MLLT3: variants seen among roughly 807,000 people sequenced by gnomAD.
MLLT3 encodes the protein MLLT3 super elongation complex subunit, also known as protein AF-9.
MLLT3 carries 4 observed loss-of-function variants against 53.2 expected under a neutral mutation model. The ratio of observed to expected loss-of-function variants is 0.08; its 90% CI spans 0.04 to 0.17. The LOEUF (loss-of-function observed/expected upper bound fraction) is 0.17, where lower values mean the gene tolerates loss of function less well. Ranked by LOEUF, MLLT3 falls within the 10% of genes least tolerant of loss-of-function variation. The pLI is 1.00. For missense variants in MLLT3, 569 were observed against 684.0 expected (o/e 0.83, Z 1.87); for synonymous variants, 283 against 230.6 (o/e 1.23, Z -2.06).
At chr9:20,407,150 T>C (rs1479161837) in intron 5 of MLLT3, among the ~76,000 whole-genome samples, 2 of 152,162 alleles carry the variant, frequency 1.3e-5, no homozygotes, top group Non-Finnish European at 1.5e-5. Flanking sequence ...ATTTACAAAA[T>C]GTAACTAGGA....
rs148218418 is a variant in MLLT3, at chr9:20,476,134, T to C, written c.194-19348A>G. On this transcript the variant is annotated intron_variant, in intron 2 of 10. Coordinates refer to ENST00000380338, the MANE Select transcript of MLLT3 (RefSeq NM_004529.4). The stretch of plus-strand genomic sequence containing the variant: ...CTGGAGTGCAGTCACGCAATCATAG[T>C]TCACAGTAAACCTCAAACTCTATTT... Among the ~76,000 whole-genome samples, 283 of 152,072 alleles carry C rather than the reference T, an allele frequency of 1.9e-3. 2 individuals are homozygous for C. The highest frequency in any genetic ancestry group is 0.017 in the South Asian group (84 of 4,828).
chr9:20,389,512 T>C (rs1390711885), intron 5 of MLLT3, among the ~76,000 whole-genome samples: 2 of 152,160 alleles, frequency 1.3e-5, no homozygotes, highest in Non-Finnish European at 2.9e-5. Flanking sequence ...TGGTGGCTCA[T>C]GCTTGTAATC....
At chr9:20,481,656 C>A (rs1265418026) in intron 2 of MLLT3, among the ~76,000 whole-genome samples, 2 of 152,142 alleles carry the variant, frequency 1.3e-5, no homozygotes, top group Non-Finnish European at 2.9e-5. Flanking sequence ...CATCCCCTTG[C>A]TCTGCTCCGT....
intron 2 of MLLT3, among the ~76,000 whole-genome samples, chr9:20,489,555 G>A (rs376113025): frequency 6.6e-6 from 1 of 152,114 alleles, no homozygotes; most frequent in Admixed American, 6.6e-5. Context: ...CCCTGAAGAC[G>A]TTAACAGAAC....
intron 6 of MLLT3, among the ~76,000 whole-genome samples, chr9:20,364,776 T>A (rs530969840): frequency 1.3e-5 from 2 of 152,208 alleles, no homozygotes; most frequent in Admixed American, 6.5e-5. Context: ...AGTGTGGTCA[T>A]TGAAAAAGGT....
At chr9:20,619,622 C>G (rs751201377) in intron 2 of MLLT3, among the ~76,000 whole-genome samples, 7 of 152,214 alleles carry the variant, frequency 4.6e-5, no homozygotes, top group Non-Finnish European at 8.8e-5. Context: ...AACCTGCTCA[C>G]AAACAAAGCA....
intron 2 of MLLT3, among the ~76,000 whole-genome samples, chr9:20,467,660 A>C (rs1183608050): frequency 1.3e-5 from 2 of 152,374 alleles, no homozygotes; most frequent in African/African-American, 2.4e-5. Flanking sequence ...CGCTATTTTG[A>C]GAATAGAAGC....
At chr9:20,396,166 T>A (rs1226555872) in intron 5 of MLLT3, among the ~76,000 whole-genome samples, 1 of 152,054 alleles carries the variant, frequency 6.6e-6, no homozygotes, top group Non-Finnish European at 1.5e-5. Flanking sequence ...CAGGGTTTTT[T>A]TTTTAAGAGA....
intron 5 of MLLT3, among the ~76,000 whole-genome samples, chr9:20,405,006 G>C (rs953225643): frequency 1.7e-4 from 26 of 151,962 alleles, no homozygotes; most frequent in Non-Finnish European, 3.5e-4. Context: ...TAATCCACCC[G>C]GAGATGCATG....
chr9:20,461,178 A>C (rs1376770138), intron 2 of MLLT3, among the ~76,000 whole-genome samples: 1 of 152,184 alleles, frequency 6.6e-6, no homozygotes, highest in African/African-American at 2.4e-5. Context: ...AACAGACCAA[A>C]GTTTTTGTTT....
chr9:20,558,818 G>A (rs1315401784), intron 2 of MLLT3, among the ~76,000 whole-genome samples: 1 of 152,204 alleles, frequency 6.6e-6, no homozygotes, highest in African/African-American at 2.4e-5. Flanking sequence ...GGCATCATTT[G>A]CATCAGCAAG....
chr9:20,467,496 TG>T (rs1367566775), intron 2 of MLLT3, among the ~76,000 whole-genome samples: 1 of 152,196 alleles, frequency 6.6e-6, no homozygotes, highest in African/African-American at 2.4e-5. Context: ...GAGAATCGCT[TG>T]AACTCGGGAG....
rs144019736 is a variant in MLLT3 at position 20,401,593 on chromosome 9, G to A, written c.1125+12128C>T. On this transcript the variant is annotated intron_variant, in intron 5 of 10. Transcript: ENST00000380338. Reference sequence around the variant, plus strand: ...CTAACAACGTGGCAGCTAGAGCACCGGTCATCACTTCCAAGTTCCAGTTCC... The same window carrying A: ...CTAACAACGTGGCAGCTAGAGCACCAGTCATCACTTCCAAGTTCCAGTTCC... 4.6e-5 allele frequency among the ~76,000 whole-genome samples: 7 copies of A among 152,200 alleles called. No individual in the cohort carries two copies. In the East Asian group the frequency reaches 9.7e-4, roughly 21 times the overall value.
Position 20,363,488 on chromosome 9 carries a change from C to G in MLLT3, c.1319G>C (p.Ser440Thr). The G allele has an allele frequency of 6.2e-7, 1 of 1,613,846 alleles. No homozygotes were observed. The highest frequency in any genetic ancestry group is 8.5e-7 in the Non-Finnish European group (1 of 1,179,872). The change falls in exon 7 of 11, where the codon AGC becomes ACC. Residue 440 changes from serine to threonine, a missense_variant. This residue lies in a region of MLLT3 where 437 missense variants were observed against 376.5 expected (regional missense o/e 1.16). Transcript: ENST00000380338. Reference protein sequence around the residue: ...EMERPVNRGGSRSRRVSLSDG... With the variant: ...EMERPVNRGGTRSRRVSLSDG... ...CCAAGATACTCACCTGCGACTTCGG[C>G]TGCCTCCTCTATTTACAGGCCTCTC...
intron 5 of MLLT3, among the ~76,000 whole-genome samples, chr9:20,378,233 A>G (rs142855881): frequency 1.8e-4 from 27 of 152,176 alleles, no homozygotes; most frequent in African/African-American, 6.5e-4. Context: ...ATGTACATAC[A>G]TTGGGGATAC....
At chr9:20,498,294 G>A (rs2118934808) in intron 2 of MLLT3, among the ~76,000 whole-genome samples, 1 of 129,878 alleles carries the variant, frequency 7.7e-6, no homozygotes, top group East Asian at 2.5e-4. Flanking sequence ...ACCTTTACCA[G>A]TACTTGGTGT....
chr9:20,364,889 G>A (rs1821412336), intron 6 of MLLT3, among the ~76,000 whole-genome samples: 1 of 152,114 alleles, frequency 6.6e-6, no homozygotes, highest in African/African-American at 2.4e-5. Context: ...CACAAAAATG[G>A]AAAATATAAT....
chr9:20,425,731 GA>G (rs1054375893), intron 4 of MLLT3, among the ~76,000 whole-genome samples: 45 of 151,460 alleles, frequency 3.0e-4, no homozygotes, highest in Admixed American at 2.1e-3. Flanking sequence ...TTAATAAGAT[GA>G]AAAAAATCTA....
intron 5 of MLLT3, among the ~76,000 whole-genome samples, chr9:20,383,718 G>C (rs1452495581): frequency 2.0e-5 from 3 of 151,906 alleles, no homozygotes; most frequent in African/African-American, 7.2e-5. Flanking sequence ...CCCCATGATA[G>C]TCTTCCCTGA....
Sources: gnomAD v4.1 joint callset for allele counts (sites outside exome capture counted in the v4.1 genomes callset) on GRCh38, gnomAD v4.1.1 for gene constraint, gnomAD v4.1.1 regional missense constraint, MANE v1.5 for transcripts, NCBI Gene and HGNC (gene_info 2026-07-23, HGNC 2026-07-21) for gene names.